The following PTPRN2 variants were observed in gnomAD, a reference collection of about 807,000 sequenced individuals.
PTPRN2 encodes receptor-type tyrosine-protein phosphatase N2.
A neutral mutation model predicts 118.8 loss-of-function variants in PTPRN2; 74 were observed. The observed-to-expected ratio is 0.62, with a 90% CI of 0.52 to 0.76. The LOEUF (loss-of-function observed/expected upper bound fraction) is 0.76, where lower values mean the gene tolerates loss of function less well. Ranked by LOEUF, PTPRN2 falls within the 30% of genes least tolerant of loss-of-function variation. The pLI is 0.00. For missense variants in PTPRN2, 1,481 were observed against 1,394.4 expected, an observed-to-expected ratio of 1.06 and a Z score of -0.99; for synonymous variants, 641 against 608.0, an observed-to-expected ratio of 1.05 and a Z score of -0.80.
intron 2 of PTPRN2, among the ~76,000 whole-genome samples, chr7:158,330,736 C>G (rs1354432598): frequency 2.0e-5 from 2 of 102,334 alleles, no homozygotes; most frequent in Non-Finnish European, 3.8e-5. Flanking sequence ...GTGCAGACGT[C>G]ACTCACACCC....
chr7:157,924,793 C>T (rs1382871496), intron 11 of PTPRN2, among the ~76,000 whole-genome samples: 2 of 152,282 alleles, frequency 1.3e-5, no homozygotes, highest in Admixed American at 1.3e-4. Flanking sequence ...GTGATGAAAA[C>T]ACCTCCACTG....
intron 12 of PTPRN2, among the ~76,000 whole-genome samples, chr7:157,753,513 C>T (rs1047096244): frequency 6.6e-6 from 1 of 152,184 alleles, no homozygotes; most frequent in African/African-American, 2.4e-5. Flanking sequence ...TCACTCCAGC[C>T]CTAGTGGCCT....
intron 11 of PTPRN2, among the ~76,000 whole-genome samples, chr7:158,080,314 CAAAAAAA>C (rs556546951): frequency 0.056 from 4,016 of 72,180 alleles, 101 homozygotes; most frequent in African/African-American, 0.18. Flanking sequence ...CAAATTTAAG[CAAAAAAA>C]AAAAAAAAAA....
At chr7:158,386,629 C>G (rs1811407325) in intron 2 of PTPRN2, among the ~76,000 whole-genome samples, 2 of 152,176 alleles carry the variant, frequency 1.3e-5, no homozygotes, top group African/African-American at 2.4e-5. Flanking sequence ...GTCGATCATC[C>G]AAATGCCCAA....
intron 2 of PTPRN2, among the ~76,000 whole-genome samples, chr7:158,389,954 C>T (rs1362758664): frequency 6.6e-6 from 1 of 152,268 alleles, no homozygotes; most frequent in Non-Finnish European, 1.5e-5. Flanking sequence ...TCCTCCGGTG[C>T]AGCCAGGCCT....
chr7:157,605,869 C>T (rs1266991403), intron 15 of PTPRN2, among the ~76,000 whole-genome samples: 1 of 152,252 alleles, frequency 6.6e-6, no homozygotes, highest in Non-Finnish European at 1.5e-5. Context: ...TGAGTTCCCA[C>T]TCTGATCCAC....
rs1205479132 is a variant in PTPRN2 at position 157,622,097 on chromosome 7, A to G, written c.2197-588T>C. The stretch of plus-strand genomic sequence containing the variant: ...GACAAGGAAACAAAGGCCTCCTGAA[A>G]ATTCCCTTCCACAAAAACCCCCATG... On this transcript the variant is annotated intron_variant, in intron 14 of 22. Transcript: ENST00000389418. The surrounding 1 kb of genome is among the most constrained non-coding windows in gnomAD (Gnocchi z 5.3). Among the ~76,000 whole-genome samples, 1 of 151,942 alleles carries G rather than the reference A, an allele frequency of 6.6e-6. No homozygotes were observed. The highest frequency in any genetic ancestry group is 1.5e-5 in the Non-Finnish European group (1 of 67,994).
chr7:158,491,661 T>C (rs763768530), intron 1 of PTPRN2, among the ~76,000 whole-genome samples: 1 of 152,214 alleles, frequency 6.6e-6, no homozygotes, highest in Middle Eastern at 3.4e-3. Context: ...AACTAATTTT[T>C]GTATTTTTAG....
chr7:158,491,614 C>A (rs1234892090), intron 1 of PTPRN2, among the ~76,000 whole-genome samples: 1 of 152,126 alleles, frequency 6.6e-6, no homozygotes, highest in Non-Finnish European at 1.5e-5. Flanking sequence ...CTCAGCCTCC[C>A]AAGTGGCTGG....
At chr7:157,887,949 C>A (rs1041616046) in intron 12 of PTPRN2, among the ~76,000 whole-genome samples, 1 of 149,908 alleles carries the variant, frequency 6.7e-6, no homozygotes, top group Non-Finnish European at 1.5e-5. Flanking sequence ...TGGGCAAGAG[C>A]CCACACAGGC....
chr7:157,850,283 G>A (rs1385584764), intron 12 of PTPRN2, among the ~76,000 whole-genome samples: 1 of 149,648 alleles, frequency 6.7e-6, no homozygotes, highest in Admixed American at 6.7e-5. Context: ...GACATGGGGT[G>A]CCTCAGGCTC....
At position 158,442,797 on chromosome 7, in the gene PTPRN2, C is replaced by T. The variant is rs927383120; in HGVS notation, c.163+46938G>A. ...AGGAAACATGCATATGAAAAAGGCACGGAAGGGAATGTATGTTTCCTTTTT... is the reference window on the plus strand; with the variant it reads ...AGGAAACATGCATATGAAAAAGGCATGGAAGGGAATGTATGTTTCCTTTTT... On this transcript the variant is annotated intron_variant, in intron 2 of 22. Transcript: ENST00000389418. 1.7e-4 allele frequency among the ~76,000 whole-genome samples: 26 copies of T among 152,178 alleles called. No homozygotes were observed. The East Asian group carries it at 1.7e-3, about 10-fold the overall frequency.
rs76111298 is a variant in PTPRN2, at chr7:157,785,138, C to T, written c.1789-102201G>A. Among the ~76,000 whole-genome samples, 4 of 152,188 alleles carry T rather than the reference C, an allele frequency of 2.6e-5. No individual in the cohort carries two copies. In the East Asian group the frequency reaches 7.8e-4, roughly 29 times the overall value. Reference sequence around the variant, plus strand: ...TTGGCACAGCGGCGAGAAGGCTGACCGAACACCGAGAAGCAGCCAGCACAG... The same window carrying T: ...TTGGCACAGCGGCGAGAAGGCTGACTGAACACCGAGAAGCAGCCAGCACAG... On this transcript the variant is annotated intron_variant, in intron 12 of 22. Coordinates refer to ENST00000389418, the MANE Select transcript of PTPRN2 (RefSeq NM_002847.5). The surrounding 1 kb of genome is among the most constrained non-coding windows in gnomAD (Gnocchi z 7.3).
intron 12 of PTPRN2, among the ~76,000 whole-genome samples, chr7:157,778,210 A>T (rs1803452239): frequency 6.6e-6 from 1 of 152,262 alleles, no homozygotes; most frequent in Non-Finnish European, 1.5e-5. Flanking sequence ...CTCCGCCTGC[A>T]TGGCTCAGGC....
At chr7:158,213,533 T>C (rs1263367167) in intron 3 of PTPRN2, among the ~76,000 whole-genome samples, 1 of 152,156 alleles carries the variant, frequency 6.6e-6, no homozygotes, top group African/African-American at 2.4e-5. Flanking sequence ...ACTTAGAGTA[T>C]AGGTCGCTGC....
At chr7:158,411,281 G>C (rs79494032) in intron 2 of PTPRN2, among the ~76,000 whole-genome samples, 4,323 of 152,278 alleles carry the variant, frequency 0.028, 83 homozygotes, top group Middle Eastern at 0.082. Context: ...ACGTAAAGAT[G>C]TGTGCAGCCA....
At chr7:157,545,736 C>T (rs1251255029) in intron 22 of PTPRN2, among the ~76,000 whole-genome samples, 5 of 152,098 alleles carry the variant, frequency 3.3e-5, no homozygotes, top group Non-Finnish European at 2.9e-5. Context: ...TTTTTTACCA[C>T]AACGATGATG....
rs150750842 is a variant in PTPRN2 at position 157,800,494 on chromosome 7, C to T, written c.1788+98179G>A. On this transcript the variant is annotated intron_variant, in intron 12 of 22. Transcript: ENST00000389418. ...TCTGCTGATCCAAAGACTCGGCATC[C>T]ATGTGCCTCCCAGGCCGCCGCACTC... Among the ~76,000 whole-genome samples the T allele has an allele frequency of 7.6e-3, 1,163 of 152,356 alleles. 37 individuals carry two copies. The South Asian group carries it at 0.1, about 14-fold the overall frequency.
intron 9 of PTPRN2, among the ~76,000 whole-genome samples, chr7:158,124,066 C>T (rs551836784): frequency 5.3e-5 from 8 of 152,238 alleles, no homozygotes; most frequent in Non-Finnish European, 8.8e-5. Flanking sequence ...CACCAAGTTA[C>T]CATGGGACCT....
Sources: allele counts gnomAD v4.1 joint callset (sites outside exome capture counted in the v4.1 genomes callset), GRCh38; gene constraint gnomAD v4.1.1; non-coding constraint Gnocchi (gnomAD v3.1); transcripts MANE v1.5; gene names NCBI Gene and HGNC (gene_info 2026-07-23, HGNC 2026-07-21).